The following GRID1 variants were observed in gnomAD, a reference collection of about 807,000 sequenced individuals.
GRID1 encodes glutamate receptor ionotropic, delta-1.
Under a neutral mutation model 98.0 loss-of-function variants are expected in GRID1, and 28 were observed. That is an observed-to-expected ratio of 0.29 (90% confidence interval 0.21 to 0.39). GRID1 has a LOEUF of 0.39. Among genes scored for constraint, GRID1 ranks in the 10% least tolerant of loss-of-function variants. The pLI, the probability that GRID1 is intolerant of heterozygous loss-of-function variation, is 1.00. For missense variants in GRID1, 1,111 were observed against 1,340.5 expected (o/e 0.83, Z 2.67); for synonymous variants, 553 against 538.5 (o/e 1.03, Z -0.37).
At chr10:86,113,165 A>G (rs1844514899) in intron 4 of GRID1, among the ~76,000 whole-genome samples, 1 of 152,174 alleles carries the variant, frequency 6.6e-6, no homozygotes, top group Non-Finnish European at 1.5e-5. Context: ...AGGGTTCACT[A>G]AAGAGGAAAT....
chr10:86,356,833 GA>G (rs2132120599), intron 2 of GRID1, among the ~76,000 whole-genome samples: 1 of 152,362 alleles, frequency 6.6e-6, no homozygotes, highest in South Asian at 2.1e-4. Flanking sequence ...TATCTGGGAA[GA>G]GGCAGGGCAG....
chr10:86,289,203 G>A (rs967256525), intron 2 of GRID1, among the ~76,000 whole-genome samples: 1 of 152,096 alleles, frequency 6.6e-6, no homozygotes, highest in Non-Finnish European at 1.5e-5. Context: ...ACTGTCTAAT[G>A]AAGACCAATT....
chr10:85,712,431 A>C (rs569423021), intron 12 of GRID1, among the ~76,000 whole-genome samples: 10 of 151,968 alleles, frequency 6.6e-5, no homozygotes, highest in Middle Eastern at 3.4e-3. Context: ...ATGTTATGTA[A>C]ATTTTGACAA....
In GRID1 at chr10:85,599,919, T is replaced by TCTCTCTCTCACACACACA. The variant is rs1554857354; in HGVS notation, c.*2353_*2354insTGTGTGTGTGAGAGAGAG. The TCTCTCTCTCACACACACA allele has an allele frequency of 5.3e-5, 7 of 131,480 alleles. No individual in the cohort carries two copies. The highest frequency in any genetic ancestry group is 2.3e-4 in the Admixed American group (3 of 13,162). The allele number at this position is 131,480 out of a possible 1,614,324, so 8.1% of individuals were successfully genotyped here. On this transcript the variant is annotated 3_prime_UTR_variant, in exon 16 of 16. Transcript: ENST00000327946. ...GTCTCTCTCTCTCTCTCTCTCTCTC[T>TCTCTCTCTCACACACACA]CACACACACACACACACACAAACAC...
intron 4 of GRID1, among the ~76,000 whole-genome samples, chr10:85,918,888 T>C (rs891336762): frequency 5.9e-5 from 9 of 152,228 alleles, no homozygotes; most frequent in Admixed American, 2.0e-4. Flanking sequence ...AGCTTTATCA[T>C]GCACTGACAT....
chr10:85,893,786 T>C (rs67626833), intron 5 of GRID1, among the ~76,000 whole-genome samples: 27,758 of 152,194 alleles, frequency 0.18, 2,618 homozygotes, highest in African/African-American at 0.22. Flanking sequence ...ATTGTTAAGA[T>C]GCCAATTCAA....
intron 4 of GRID1, among the ~76,000 whole-genome samples, chr10:86,011,947 C>A (rs1323917878): frequency 1.3e-5 from 2 of 152,116 alleles, no homozygotes; most frequent in Admixed American, 1.3e-4. Context: ...TGCTTGAGGT[C>A]AGGAGCTCAA....
chr10:86,347,578 G>A (rs576101367), intron 2 of GRID1, among the ~76,000 whole-genome samples: 28 of 152,350 alleles, frequency 1.8e-4, no homozygotes, highest in African/African-American at 6.3e-4. Flanking sequence ...TTAGACATCA[G>A]CCTGCAACAG....
chr10:85,850,949 A>G (rs1843052711), intron 8 of GRID1, among the ~76,000 whole-genome samples: 1 of 152,180 alleles, frequency 6.6e-6, no homozygotes, highest in African/African-American at 2.4e-5. Flanking sequence ...GTGGATGCTT[A>G]ACAGTTCCTG....
At chr10:86,138,041 C>CA (rs1259135921) in intron 4 of GRID1, among the ~76,000 whole-genome samples, 1 of 152,120 alleles carries the variant, frequency 6.6e-6, no homozygotes, top group Non-Finnish European at 1.5e-5. Context: ...GTGACCTGTT[C>CA]AATCTGCCTC....
intron 13 of GRID1, among the ~76,000 whole-genome samples, chr10:85,643,269 C>A (rs918240909): frequency 4.6e-5 from 7 of 152,076 alleles, no homozygotes; most frequent in Admixed American, 3.3e-4. Flanking sequence ...CTTCTCCTCA[C>A]CTTTGCCAGG....
At chr10:85,983,299 G>A (rs930319592) in intron 4 of GRID1, among the ~76,000 whole-genome samples, 3 of 152,324 alleles carry the variant, frequency 2.0e-5, no homozygotes, top group African/African-American at 2.4e-5. Context: ...AGCTGGGGGA[G>A]CCACTCACAG....
At chr10:86,166,474 G>T (rs1466792226) in intron 3 of GRID1, among the ~76,000 whole-genome samples, 1 of 152,222 alleles carries the variant, frequency 6.6e-6, no homozygotes. Flanking sequence ...GCCAGGAGGT[G>T]CAGCTTTACC....
intron 8 of GRID1, among the ~76,000 whole-genome samples, chr10:85,773,426 C>T (rs1297082095): frequency 6.6e-6 from 1 of 152,186 alleles, no homozygotes; most frequent in Non-Finnish European, 1.5e-5. Context: ...GACAGGGATG[C>T]CCCCTCTCAC....
chr10:85,916,091 T>G lies in GRID1; in HGVS notation c.780+95A>C, dbSNP rs992127440. On this transcript the variant is annotated intron_variant, in intron 5 of 15. Transcript: ENST00000327946. The surrounding 1 kb of genome is among the most constrained non-coding windows in gnomAD (Gnocchi z 4.0). The stretch of plus-strand genomic sequence containing the variant: ...AGCCCCAGGATTCACAACAGCCCCC[T>G]AAGTCAGAATTGAACTGAAAAGAAT... The G allele has an allele frequency of 1.2e-5, 12 of 971,886 alleles. 1 individual carries two copies. The African/African-American group carries it at 1.9e-4, about 15-fold the overall frequency. The allele number at this position is 971,886 out of a possible 1,614,324, so 60.2% of individuals were successfully genotyped here. A position where few individuals can be genotyped will look rare whatever the true frequency, so the allele number is the denominator to read the frequency against.
At chr10:86,358,847 A>T (rs1367183545) in intron 2 of GRID1, among the ~76,000 whole-genome samples, 1 of 151,640 alleles carries the variant, frequency 6.6e-6, no homozygotes, top group Non-Finnish European at 1.5e-5. Flanking sequence ...GAGGGAGCCA[A>T]GCAGAAGAGT....
intron 4 of GRID1, among the ~76,000 whole-genome samples, chr10:86,071,613 A>G (rs1843806182): frequency 6.6e-6 from 1 of 152,190 alleles, no homozygotes; most frequent in African/African-American, 2.4e-5. Context: ...TAGTAAGCCA[A>G]CATTGACATC....
intron 4 of GRID1, among the ~76,000 whole-genome samples, chr10:86,030,576 G>A (rs1012766728): frequency 6.6e-5 from 10 of 152,154 alleles, no homozygotes; most frequent in African/African-American, 2.4e-4. Context: ...ACCCCAGGAG[G>A]AGCCCTAGCT....
At chr10:86,106,280 A>G (rs1844385153) in intron 4 of GRID1, among the ~76,000 whole-genome samples, 1 of 152,244 alleles carries the variant, frequency 6.6e-6, no homozygotes, top group Non-Finnish European at 1.5e-5. Context: ...GTATGCAATA[A>G]CAATTCTTCA....
Sources: gnomAD v4.1 joint callset for allele counts (sites outside exome capture counted in the v4.1 genomes callset) on GRCh38, gnomAD v4.1.1 for gene constraint, Gnocchi (gnomAD v3.1) non-coding constraint, MANE v1.5 for transcripts, NCBI Gene and HGNC (gene_info 2026-07-23, HGNC 2026-07-21) for gene names.